Variants in NCKAP5 observed in about 807,000 individuals in gnomAD.
NCKAP5 encodes the protein nck-associated protein 5.
Under a neutral mutation model 167.0 loss-of-function variants are expected in NCKAP5, and 92 were observed. That is an observed-to-expected ratio of 0.55 (90% CI 0.47 to 0.66). NCKAP5 has a LOEUF of 0.66. Among genes scored for constraint, NCKAP5 ranks in the 30% least tolerant of loss-of-function variants. NCKAP5 has a pLI of 0.00. For missense variants in NCKAP5, 2,378 were observed against 2,315.0 expected (o/e 1.03, Z -0.56); for synonymous variants, 891 against 877.4 (o/e 1.02, Z -0.27).
chr2:132,915,244 G>A (rs184169026), intron 8 of NCKAP5, among the ~76,000 whole-genome samples: 34 of 152,124 alleles, frequency 2.2e-4, no homozygotes, highest in Non-Finnish European at 4.7e-4. Flanking sequence ...ATGGTGAACA[G>A]TGGCATACTG....
intron 11 of NCKAP5, among the ~76,000 whole-genome samples, chr2:132,806,768 G>A (rs963079231): frequency 6.6e-6 from 1 of 152,080 alleles, no homozygotes; most frequent in Non-Finnish European, 1.5e-5. Context: ...AATTTCTTTA[G>A]TTTAATTAGG....
chr2:132,746,607 C>T (rs899591138), intron 16 of NCKAP5, among the ~76,000 whole-genome samples: 1 of 152,092 alleles, frequency 6.6e-6, no homozygotes, highest in African/African-American at 2.4e-5. Context: ...AACATATACC[C>T]ATCATGCAAC....
intron 11 of NCKAP5, among the ~76,000 whole-genome samples, chr2:132,800,319 G>A (rs1291685498): frequency 1.3e-5 from 2 of 152,084 alleles, no homozygotes; most frequent in African/African-American, 4.8e-5. Context: ...TAAACTTCCT[G>A]TCTTTAACCT....
At chr2:132,765,590 G>A (rs572725070) in intron 16 of NCKAP5, among the ~76,000 whole-genome samples, 128 of 152,186 alleles carry the variant, frequency 8.4e-4, no homozygotes, top group Non-Finnish European at 1.4e-3. Context: ...CACCGTGCCC[G>A]GCCTTTCCTA....
chr2:133,270,928 T>C (rs1378447173), intron 4 of NCKAP5, among the ~76,000 whole-genome samples: 1 of 143,510 alleles, frequency 7.0e-6, no homozygotes, highest in Admixed American at 7.0e-5. Flanking sequence ...TTTTTTTTTT[T>C]TTCTTTTTTG....
At chr2:132,813,068 G>A (rs1686004071) in intron 11 of NCKAP5, among the ~76,000 whole-genome samples, 1 of 152,078 alleles carries the variant, frequency 6.6e-6, no homozygotes, top group Non-Finnish European at 1.5e-5. Context: ...GCCAAAGCAG[G>A]GGTCAAAAAA....
At position 132,920,707 on chromosome 2, in the gene NCKAP5, A is replaced by AG. The variant is rs1558942564; in HGVS notation, c.580-41792_580-41791insC. ...TTAGTTTATATATATATATACGTAT[A>AG]TGTATATATATGTATATATATATAT... On this transcript the variant is annotated intron_variant, in intron 8 of 19. Coordinates refer to ENST00000409261, the MANE Select transcript of NCKAP5 (RefSeq NM_207363.3). 3.1e-4 allele frequency among the ~76,000 whole-genome samples: 32 copies of AG among 102,636 alleles called. 1 individual carries two copies. In the East Asian group the frequency reaches 4.9e-3, roughly 16 times the overall value. 67.3% of individuals were successfully genotyped at this position (102,636 alleles called of 152,430 possible).
the NCKAP5 span, among the ~76,000 whole-genome samples, chr2:133,650,160 G>C: frequency 1.3e-5 from 2 of 152,022 alleles, no homozygotes; most frequent in Non-Finnish European, 2.9e-5. Context: ...GACCTAAGGA[G>C]GTGAAAGAAT....
At chr2:132,879,871 T>A (rs1691614952) in intron 8 of NCKAP5, among the ~76,000 whole-genome samples, 1 of 152,206 alleles carries the variant, frequency 6.6e-6, no homozygotes, top group Non-Finnish European at 1.5e-5. Context: ...TTTTTTCCCA[T>A]CCGTTTTTCT....
chr2:132,872,436 G>A (rs1309754110), intron 9 of NCKAP5, among the ~76,000 whole-genome samples: 1 of 152,136 alleles, frequency 6.6e-6, no homozygotes, highest in African/African-American at 2.4e-5. Context: ...GGAAGTGGGC[G>A]AGCAGAGGGA....
chr2:132,952,286 T>C (rs1369479024), intron 8 of NCKAP5, among the ~76,000 whole-genome samples: 1 of 152,218 alleles, frequency 6.6e-6, no homozygotes, highest in East Asian at 1.9e-4. Flanking sequence ...ATTGGCCTTC[T>C]CTGAGATCTG....
intron 6 of NCKAP5, among the ~76,000 whole-genome samples, chr2:133,034,170 C>T (rs1389376241): frequency 1.3e-5 from 2 of 152,114 alleles, no homozygotes; most frequent in Non-Finnish European, 2.9e-5. Context: ...TGTCTGGCAA[C>T]AGACTGTTCA....
chr2:133,557,147 C>G (rs577986522), intron 2 of NCKAP5, among the ~76,000 whole-genome samples: 1 of 152,076 alleles, frequency 6.6e-6, no homozygotes, highest in Admixed American at 6.6e-5. Context: ...TGCTCCTGGC[C>G]GATAGCTTGT....
At chr2:132,780,505 G>C (rs1039545431) in intron 15 of NCKAP5, among the ~76,000 whole-genome samples, 1 of 152,112 alleles carries the variant, frequency 6.6e-6, no homozygotes, top group African/African-American at 2.4e-5. Context: ...CCTCACAATA[G>C]ACTAAATGAT....
intron 3 of NCKAP5, among the ~76,000 whole-genome samples, chr2:133,483,088 A>G (rs1680597361): frequency 2.0e-5 from 3 of 152,124 alleles, no homozygotes; most frequent in Non-Finnish European, 4.4e-5. Flanking sequence ...CTATCTATCT[A>G]TCTAGCTATT....
chr2:132,795,930 T>C (rs545382974), intron 12 of NCKAP5, among the ~76,000 whole-genome samples: 1 of 151,916 alleles, frequency 6.6e-6, no homozygotes, highest in South Asian at 2.1e-4. Flanking sequence ...CTCCTGACTT[T>C]ACGGCTATAT....
At chr2:132,976,969 C>A (rs2076995604) in intron 7 of NCKAP5, among the ~76,000 whole-genome samples, 1 of 152,046 alleles carries the variant, frequency 6.6e-6, no homozygotes, top group Non-Finnish European at 1.5e-5. Flanking sequence ...AAAGCAACTG[C>A]TTCTATAAAG....
At chr2:132,979,484 C>G (rs990525793) in intron 7 of NCKAP5, among the ~76,000 whole-genome samples, 1 of 152,096 alleles carries the variant, frequency 6.6e-6, no homozygotes, top group South Asian at 2.1e-4. Flanking sequence ...TCCCCAGCAA[C>G]GAGCTTCCTA....
chr2:133,645,717 C>T, the NCKAP5 span, among the ~76,000 whole-genome samples: 2 of 152,016 alleles, frequency 1.3e-5, no homozygotes, highest in Non-Finnish European at 2.9e-5. Context: ...CACGTGGCAC[C>T]TGCTCAAAAA....
Sources: gnomAD v4.1 joint callset for allele counts (sites outside exome capture counted in the v4.1 genomes callset) on GRCh38, gnomAD v4.1.1 for gene constraint, MANE v1.5 for transcripts, NCBI Gene and HGNC (gene_info 2026-07-23, HGNC 2026-07-21) for gene names.